The following LST1 variants were observed in gnomAD, a reference collection of about 807,000 sequenced individuals.
The protein encoded by LST1 is leukocyte-specific transcript 1 protein.
A neutral mutation model predicts 8.5 loss-of-function variants in LST1; 9 were observed. That is an observed-to-expected ratio of 1.06 (90% CI 0.64 to 1.85). The LOEUF is 1.85. Among genes scored for constraint, LST1 ranks in the 40% most tolerant of loss-of-function variants. LST1 has a pLI of 0.00. For synonymous variants in LST1, 53 were observed against 50.4 expected (o/e 1.05, Z -0.21); for missense variants, 121 against 117.1 (o/e 1.03, Z -0.16).
rs9461711 is a variant in LST1 at position 31,588,878 on chromosome 6, T to C, written c.*202T>C. ...TTTTTAAATTTTTTAAAAATTAAAA[T>C]AAAAAAAACACATGGCTCACCCTTC... On this transcript the variant is annotated 3_prime_UTR_variant, in exon 5 of 5. Transcript: ENST00000438075. The C allele has an allele frequency of 1.7e-5, 15 of 882,086 alleles. No individual in the cohort carries two copies. In the African/African-American group the frequency reaches 2.2e-4, roughly 13 times the overall value. The allele number at this position is 882,086 out of a possible 1,614,324, so 54.6% of individuals were successfully genotyped here.
intron 2 of LST1, 34 bp from the exon 3 acceptor site, chr6:31,587,607 T>G: frequency 7.4e-7 from 1 of 1,342,600 alleles, no homozygotes; most frequent in South Asian, 1.3e-5. Context: ...GGAGAAGGAA[T>G]GGGCTTCCTA....
chr6:31,587,725 A>G lies in LST1; in HGVS notation c.104A>G (p.His35Arg). Residue 35 changes from histidine (H) to arginine (R), a missense_variant, in exon 3 of 5, where the codon CAT becomes CGT. His to Arg is a conservative substitution (Grantham distance 29). Transcript: ENST00000438075. ...CTGTCCGCCTGCCTGTGTTGGCTGC[A>G]TCGAAGAGGTGAGCGCTGCACTCCC... ...VLLSACLCWL[H>R]RRVKRLERSW... 2 of 1,598,900 alleles carry G rather than the reference A, an allele frequency of 1.3e-6. No homozygotes were observed. The highest frequency in any genetic ancestry group is 1.7e-6 in the Non-Finnish European group (2 of 1,173,428).
Position 31,588,396 on chromosome 6 carries a change from G to A in LST1, c.136-122G>A, listed in dbSNP as rs530955300. Reference sequence around the variant, plus strand: ...AAAAAGAGAGAGAGAGAGAGAGAGAGAGAGAGGGAGAGAGAGAGAGAGAGA... The same window carrying A: ...AAAAAGAGAGAGAGAGAGAGAGAGAAAGAGAGGGAGAGAGAGAGAGAGAGA... On this transcript the variant is annotated intron_variant, in intron 4 of 4. Transcript: ENST00000438075. 8.3e-4 allele frequency: 790 copies of A among 953,818 alleles called. 3 individuals carry two copies. The Middle Eastern group carries it at 8.4e-3, about 10-fold the overall frequency. The allele number at this position is 953,818 out of a possible 1,614,324, so 59.1% of individuals were successfully genotyped here. A position where few individuals can be genotyped will look rare whatever the true frequency, so the allele number is the denominator to read the frequency against.
At chr6:31,588,244 C>T (rs1045534235) in intron 4 of LST1, 9 of 583,914 alleles carry the variant, frequency 1.5e-5, no homozygotes, top group Admixed American at 6.2e-5. Context: ...GAGAGAGAGG[C>T]TCCAGAACCA....
chr6:31,588,398 GAGAGGGAGA>G, intron 4 of LST1, 111 bp from the exon 5 acceptor site: 1 of 956,028 alleles, frequency 1.0e-6, no homozygotes, highest in Non-Finnish European at 1.6e-6. Context: ...GAGAGAGAGA[GAGAGGGAGA>G]GAGAGAGAGA....
At chr6:31,586,841 G>A in intron 1 of LST1, 1 of 171,242 alleles carries the variant, frequency 5.8e-6, no homozygotes, top group Non-Finnish European at 1.3e-5. Context: ...CTTCCCCCCA[G>A]TGCCCACACC....
In LST1 at chr6:31,587,283, C is replaced by T. The variant is rs1261173335; in HGVS notation, c.-17C>T. 1 of 1,596,810 alleles carries T rather than the reference C, an allele frequency of 6.3e-7. No homozygotes were observed. The highest frequency in any genetic ancestry group is 1.7e-5 in the Admixed American group (1 of 59,984). ...TAGAGTTCCTGACCTCCAGGCCAGTCCCTGATCCCTGACCTAATGTTATCG... is the reference window on the plus strand; with the variant it reads ...TAGAGTTCCTGACCTCCAGGCCAGTTCCTGATCCCTGACCTAATGTTATCG... On this transcript the variant is annotated 5_prime_UTR_variant, in exon 2 of 5. Transcript: ENST00000438075.
intron 4 of LST1, 115 bp from the exon 5 acceptor site, chr6:31,588,403 G>GGGAGA (rs1181746757): frequency 1.5e-3 from 791 of 541,254 alleles, no homozygotes; most frequent in East Asian, 5.6e-3. Flanking sequence ...AGAGAGAGAG[G>GGGAGA]GAGAGAGAGA....
chr6:31,587,354 G>C, intron 2 of LST1, 36 bp downstream of exon 2: 1 of 1,610,146 alleles, frequency 6.2e-7, no homozygotes, highest in South Asian at 1.1e-5. Context: ...CATAGAGAGA[G>C]TCCTGGGAGC....
intron 3 of LST1, 33 bp downstream of exon 3, chr6:31,587,766 C>T: frequency 6.6e-7 from 1 of 1,524,908 alleles, no homozygotes; most frequent in South Asian, 1.2e-5. Flanking sequence ...CCCCCTGCAG[C>T]AGTGCCCCCT....
At position 31,588,374 on chromosome 6, in the gene LST1, A is replaced by AAGAGAG. The variant is rs9279359; in HGVS notation, c.136-121_136-116dup. ...AGTGGGACTCTGTCTCCAAAGAAAA[A>AAGAGAG]AGAGAGAGAGAGAGAGAGAGAGAGA... On this transcript the variant is annotated intron_variant, in intron 4 of 4. Coordinates refer to ENST00000438075, the MANE Select transcript of LST1 (RefSeq NM_205839.3). 6.5e-3 allele frequency: 4,088 copies of AAGAGAG among 626,424 alleles called. 8 individuals are homozygous for AAGAGAG. Among genetic ancestry groups the AAGAGAG allele is most frequent in the Middle Eastern group, 0.011 (23 of 2,168 alleles). 38.8% of individuals were successfully genotyped at this position (626,424 alleles called of 1,614,324 possible).
chr6:31,587,615 C>A (rs2256974), intron 2 of LST1, 26 bp from the exon 3 acceptor site: 274,831 of 1,444,576 alleles, frequency 0.19, 29,160 homozygotes, highest in East Asian at 0.39. Context: ...AATGGGCTTC[C>A]TAACCTTGAG....
rs1180514552 is a variant in LST1 at position 31,587,678 on chromosome 6, C to T, written c.57C>T (p.Leu19=). Residue 19 remains leucine, a synonymous_variant, in exon 3 of 5, where the codon CTC becomes CTT. Transcript: ENST00000438075. ...ACGGGGGCCTGGGGCTGGGCGGGCT[C>T]CTGCTTCTGGCAGTGGTCCTTCTGT... The part of the protein sequence containing the change: ...CIYGGLGLGG[L]LLLAVVLLSA... 6 of 1,603,456 alleles carry T rather than the reference C, an allele frequency of 3.7e-6. No individual in the cohort carries two copies. Among genetic ancestry groups the T allele is most frequent in the African/African-American group, 1.3e-5 (1 of 74,780 alleles).
At chr6:31,588,383 AGAGAGAGAGAGAGAGAGAGG>A (rs1157227922) in intron 4 of LST1, 115 bp from the exon 5 acceptor site, 33 of 808,380 alleles carry the variant, frequency 4.1e-5, no homozygotes, top group Admixed American at 8.0e-5. Flanking sequence ...AAAGAGAGAG[AGAGAGAGAGAGAGAGAGAGG>A]GAGAGAGAGA....
rs1383440006 is a variant in LST1, at chr6:31,588,565, G to T, written c.183G>T (p.Arg61Ser). Reference protein sequence around the residue: ...EQELHYASLQRLPVPSSEGPD... With the variant: ...EQELHYASLQSLPVPSSEGPD... ...AACTCCACTATGCATCTCTGCAGAG[G>T]CTGCCAGTGCCCAGCAGTGAGGGAC... The change falls in exon 5 of 5, where the codon AGG becomes AGT. Residue 61 changes from arginine (R) to serine (S), a missense_variant. Transcript: ENST00000438075. 1 of 1,612,594 alleles carries T rather than the reference G, an allele frequency of 6.2e-7. No homozygotes were observed. Among genetic ancestry groups the T allele is most frequent in the East Asian group, 2.2e-5 (1 of 44,874 alleles).
chr6:31,588,307 G>T (rs1423202570), intron 4 of LST1: 11 of 632,906 alleles, frequency 1.7e-5, no homozygotes, highest in Non-Finnish European at 2.8e-5. Flanking sequence ...GAGGCAGGAA[G>T]ATAGCTTGAG....
chr6:31,588,423 G>T, intron 4 of LST1, 95 bp from the exon 5 acceptor site: 32 of 1,118,260 alleles, frequency 2.9e-5, no homozygotes, highest in Middle Eastern at 2.9e-4. Context: ...AGAGAGAGAG[G>T]GAGAGAAGTA....
chr6:31,587,633 C>G lies in LST1; in HGVS notation c.20-8C>G. ...GGGCTTCCTAACCTTGAGCCCTCTT[C>G]CCTGAAGATATATGTATCTACGGGG... On this transcript the variant is annotated splice_region_variant and splice_polypyrimidine_tract_variant and intron_variant, in intron 2 of 4. Transcript: ENST00000438075. 6.4e-7 allele frequency: 1 copy of G among 1,574,264 alleles called. No individual in the cohort carries two copies. The highest frequency in any genetic ancestry group is 1.1e-5 in the South Asian group (1 of 87,466).
Position 31,588,796 on chromosome 6 carries a change from C to T in LST1, c.*120C>T, listed in dbSNP as rs1382301201. ...GTCCTCTCAGTCCATCTCGAGCCTC[C>T]GTTCAAATTGATCATCATCAAAACT... On this transcript the variant is annotated 3_prime_UTR_variant, in exon 5 of 5. Transcript: ENST00000438075. 9.4e-6 allele frequency: 11 copies of T among 1,169,720 alleles called. No individual in the cohort carries two copies. The highest frequency in any genetic ancestry group is 1.4e-5 in the Non-Finnish European group (11 of 785,994). The allele number at this position is 1,169,720 out of a possible 1,614,324, so 72.5% of individuals were successfully genotyped here.
Sources: gnomAD v4.1 joint callset for allele counts on GRCh38, gnomAD v4.1.1 for gene constraint, MANE v1.5 for transcripts, NCBI Gene and HGNC (gene_info 2026-07-23, HGNC 2026-07-21) for gene names.